Variants in CWC27 observed in about 807,000 individuals in gnomAD.
The protein encoded by CWC27 is CWC27 spliceosome associated cyclophilin, also known as spliceosome-associated protein CWC27 homolog.
A neutral mutation model predicts 63.6 loss-of-function variants in CWC27; 47 were observed. That is an observed-to-expected ratio of 0.74 (90% CI 0.58 to 0.94). CWC27 has a LOEUF of 0.94. CWC27 is among the 40% of genes least tolerant of loss of function. The pLI is 0.00. For synonymous variants in CWC27, 175 were observed against 179.8 expected (o/e 0.97, Z 0.22); for missense variants, 495 against 554.3 (o/e 0.89, Z 1.07).
chr5:64,897,527 T>C lies in CWC27; in HGVS notation c.1042+11981T>C, dbSNP rs867428880. On this transcript the variant is annotated intron_variant, in intron 11 of 13. Transcript: ENST00000381070. ...GCATGTTCTCACTCATAGGTGGGAG[T>C]TGGACAATGAGAACACATGGACACA... is the stretch of plus-strand genomic sequence containing the variant. Among the ~76,000 whole-genome samples the C allele has an allele frequency of 4.6e-5, 7 of 151,776 alleles. 1 individual carries two copies. In the Middle Eastern group the frequency reaches 0.02, roughly 442 times the overall value.
chr5:64,949,150 T>C (rs879484661), intron 11 of CWC27, among the ~76,000 whole-genome samples: 1 of 151,816 alleles, frequency 6.6e-6, no homozygotes, highest in Admixed American at 6.6e-5. Context: ...CCTTGGGAAA[T>C]GGAGAAATTA....
intron 4 of CWC27, among the ~76,000 whole-genome samples, chr5:64,784,191 A>G (rs898475443): frequency 1.3e-4 from 20 of 152,198 alleles, no homozygotes; most frequent in Non-Finnish European, 2.9e-4. Flanking sequence ...CTTTCAATTC[A>G]GTCATTAGTT....
intron 9 of CWC27, among the ~76,000 whole-genome samples, chr5:64,802,764 A>C (rs1744532355): frequency 6.6e-6 from 1 of 152,154 alleles, no homozygotes; most frequent in Non-Finnish European, 1.5e-5. Flanking sequence ...AAAAATAATG[A>C]GCTTAATTTT....
At chr5:64,939,626 T>C (rs1388852317) in intron 11 of CWC27, among the ~76,000 whole-genome samples, 1 of 152,256 alleles carries the variant, frequency 6.6e-6, no homozygotes, top group Non-Finnish European at 1.5e-5. Context: ...AGTCTGTCCC[T>C]TAGCAGAGCT....
Position 64,893,063 on chromosome 5 carries a change from G to A in CWC27, c.1042+7517G>A, listed in dbSNP as rs141860849. Among the ~76,000 whole-genome samples the A allele has an allele frequency of 7.8e-3, 1,188 of 152,234 alleles. 6 individuals are homozygous for A. The highest frequency in any genetic ancestry group is 0.024 in the Middle Eastern group (7 of 294). ...GTGAAGGGTATGTGTATGTGTGTGC[G>A]CACATATGCACGTGTGCATGCGCAC... On this transcript the variant is annotated intron_variant, in intron 11 of 13. Transcript: ENST00000381070.
At chr5:64,978,690 A>G (rs1056194079) in intron 13 of CWC27, among the ~76,000 whole-genome samples, 1 of 151,964 alleles carries the variant, frequency 6.6e-6, no homozygotes, top group Non-Finnish European at 1.5e-5. Context: ...CCACCACACA[A>G]AAAATGTTTT....
At chr5:64,812,054 T>C (rs1744892731) in intron 10 of CWC27, among the ~76,000 whole-genome samples, 1 of 152,108 alleles carries the variant, frequency 6.6e-6, no homozygotes, top group African/African-American at 2.4e-5. Context: ...AATTTTTGAC[T>C]CTTACTGTAC....
intron 11 of CWC27, among the ~76,000 whole-genome samples, chr5:64,916,885 T>G (rs867645845): frequency 1.6e-3 from 228 of 144,064 alleles, no homozygotes; most frequent in Non-Finnish European, 2.4e-3. Flanking sequence ...AGTAGTAGTA[T>G]TAGTAGTAGT....
intron 10 of CWC27, among the ~76,000 whole-genome samples, chr5:64,831,269 T>G (rs1284340882): frequency 6.6e-6 from 1 of 152,034 alleles, no homozygotes; most frequent in Non-Finnish European, 1.5e-5. Flanking sequence ...TTTTCATGTT[T>G]GCTGGTTAGT....
At chr5:64,802,029 C>G (rs1192244483) in intron 9 of CWC27, among the ~76,000 whole-genome samples, 1 of 152,186 alleles carries the variant, frequency 6.6e-6, no homozygotes, top group Middle Eastern at 3.4e-3. Context: ...GAATATCTGA[C>G]CTTGTCAAGA....
intron 11 of CWC27, among the ~76,000 whole-genome samples, chr5:64,958,665 A>T (rs1748847008): frequency 6.6e-6 from 1 of 152,162 alleles, no homozygotes; most frequent in Non-Finnish European, 1.5e-5. Flanking sequence ...AACTGCATAA[A>T]TTTTAACTGT....
intron 6 of CWC27, 61 bp from the exon 7 acceptor site, chr5:64,788,890 A>G: frequency 8.9e-7 from 1 of 1,123,162 alleles, no homozygotes; most frequent in Non-Finnish European, 1.3e-6. Context: ...AAAATAAGGT[A>G]TTTATAAGTT....
Position 64,789,017 on chromosome 5 carries a change from T to C in CWC27, c.666T>C (p.Ser222=), listed in dbSNP as rs1202822723. 1 of 1,601,768 alleles carries C rather than the reference T, an allele frequency of 6.2e-7. No homozygotes were observed. Among genetic ancestry groups the C allele is most frequent in the African/African-American group, 1.3e-5 (1 of 74,250 alleles). The part of the protein sequence containing the change: ...EEEEEEVNRV[S]QSMKGKSKSS... Reference sequence around the variant, plus strand: ...AAGAGGAGGAAGTAAATCGAGTTAGTCAGGTAATCTCTAATTTGCCCTTTG... The same window carrying C: ...AAGAGGAGGAAGTAAATCGAGTTAGCCAGGTAATCTCTAATTTGCCCTTTG... The change falls in exon 7 of 14, where the codon AGT becomes AGC. Residue 222 remains serine (S), a synonymous_variant. Transcript: ENST00000381070.
chr5:64,877,597 T>G (rs531456177), intron 10 of CWC27, among the ~76,000 whole-genome samples: 180 of 152,048 alleles, frequency 1.2e-3, no homozygotes, highest in African/African-American at 3.9e-3. Context: ...GTGCTTGAGG[T>G]GATAGATACC....
At chr5:64,921,095 C>G (rs1482800606) in intron 11 of CWC27, among the ~76,000 whole-genome samples, 1 of 152,130 alleles carries the variant, frequency 6.6e-6, no homozygotes, top group Non-Finnish European at 1.5e-5. Context: ...TACATTTCCT[C>G]CCTACACTGC....
At chr5:64,861,443 A>G (rs1212242840) in intron 10 of CWC27, among the ~76,000 whole-genome samples, 1 of 152,044 alleles carries the variant, frequency 6.6e-6, no homozygotes, top group Non-Finnish European at 1.5e-5. Context: ...ATACAAGGGT[A>G]TGAATCACTT....
intron 11 of CWC27, among the ~76,000 whole-genome samples, chr5:64,912,979 A>G (rs553067953): frequency 7.7e-4 from 117 of 152,306 alleles, no homozygotes; most frequent in African/African-American, 2.5e-3. Flanking sequence ...AGAAAATTAT[A>G]GACTGCCCTC....
At chr5:65,017,093 G>A (rs189083923) in intron 13 of CWC27, among the ~76,000 whole-genome samples, 6 of 151,816 alleles carry the variant, frequency 4.0e-5, no homozygotes, top group Non-Finnish European at 8.8e-5. Context: ...AGGCCGAGGC[G>A]GGCAGATCAC....
chr5:65,012,985 G>A (rs1184460686), intron 13 of CWC27, among the ~76,000 whole-genome samples: 1 of 152,096 alleles, frequency 6.6e-6, no homozygotes, highest in Admixed American at 6.5e-5. Context: ...AAAGCTACTT[G>A]GTGATTTTAA....
Sources: allele counts gnomAD v4.1 joint callset (sites outside exome capture counted in the v4.1 genomes callset), GRCh38; gene constraint gnomAD v4.1.1; transcripts MANE v1.5; gene names NCBI Gene and HGNC (gene_info 2026-07-23, HGNC 2026-07-21).